Variants in FGGY observed in about 807,000 individuals in gnomAD.
FGGY encodes FGGY carbohydrate kinase domain containing, also known as FGGY carbohydrate kinase domain-containing protein.
FGGY carries 72 observed loss-of-function variants against 71.3 expected under a neutral mutation model. That is an observed-to-expected ratio of 1.01 (90% CI 0.84 to 1.23). FGGY has a LOEUF of 1.23. FGGY is among the 50% of genes most tolerant of loss of function. The pLI, the probability that FGGY is intolerant of heterozygous loss-of-function variation, is 0.00. For synonymous variants in FGGY, 251 were observed against 250.3 expected (o/e 1.00, Z -0.02); for missense variants, 668 against 682.3 (o/e 0.98, Z 0.23).
intron 11 of FGGY, among the ~76,000 whole-genome samples, chr1:59,657,554 C>T (rs918421739): frequency 2.0e-5 from 3 of 152,084 alleles, no homozygotes; most frequent in Non-Finnish European, 4.4e-5. Flanking sequence ...AAGTGTTCAG[C>T]TCAGGGATGT....
At chr1:59,689,800 G>A (rs895430628) in intron 14 of FGGY, among the ~76,000 whole-genome samples, 3 of 152,132 alleles carry the variant, frequency 2.0e-5, no homozygotes, top group Non-Finnish European at 4.4e-5. Flanking sequence ...TTTCAGGATG[G>A]AGAAAGCACC....
chr1:59,462,419 C>T (rs1252004493), intron 6 of FGGY, among the ~76,000 whole-genome samples: 2 of 152,096 alleles, frequency 1.3e-5, no homozygotes, highest in Non-Finnish European at 2.9e-5. Flanking sequence ...ATGTCTAAAA[C>T]ACCAAAAGCA....
chr1:59,355,378 T>C (rs2054114360), intron 4 of FGGY, among the ~76,000 whole-genome samples: 1 of 152,220 alleles, frequency 6.6e-6, no homozygotes, highest in Admixed American at 6.5e-5. Flanking sequence ...AAAAAAAGAC[T>C]GGCCATATAC....
At chr1:59,375,879 GTTTTTT>G (rs770578651) in intron 4 of FGGY, among the ~76,000 whole-genome samples, 4 of 99,370 alleles carry the variant, frequency 4.0e-5, no homozygotes, top group Non-Finnish European at 6.0e-5. Context: ...ATCTAAAGTA[GTTTTTT>G]TTTTTTTTTT....
intron 6 of FGGY, among the ~76,000 whole-genome samples, chr1:59,498,686 G>C (rs925420392): frequency 2.6e-5 from 4 of 152,144 alleles, no homozygotes; most frequent in African/African-American, 9.7e-5. Flanking sequence ...CCTAGCACTT[G>C]AGCATTTTTC....
intron 5 of FGGY, among the ~76,000 whole-genome samples, chr1:59,379,981 T>C (rs2059193181): frequency 6.6e-6 from 1 of 152,076 alleles, no homozygotes. Flanking sequence ...GTGTGTGATG[T>C]TCCCCTTCCT....
Position 59,607,943 on chromosome 1 carries a change from T to C in FGGY, c.1011+33T>C, listed in dbSNP as rs1572024773. 10 of 1,539,438 alleles carry C rather than the reference T, an allele frequency of 6.5e-6. No individual in the cohort carries two copies. The East Asian group carries it at 2.2e-4, about 35-fold the overall frequency. On this transcript the variant is annotated intron_variant, in intron 9 of 15. Coordinates refer to ENST00000303721, the MANE Select transcript of FGGY (RefSeq NM_018291.5). ...GACACTTTCTCAATAGGGTCATGGA[T>C]GTTTTTATGTCATTGATTAGTCCAT...
chr1:59,615,165 G>A (rs2096737457), intron 9 of FGGY, among the ~76,000 whole-genome samples: 1 of 152,046 alleles, frequency 6.6e-6, no homozygotes, highest in East Asian at 1.9e-4. Flanking sequence ...AGTTCATATG[G>A]AATCAAAAAA....
At chr1:59,690,099 A>G (rs12125528) in intron 14 of FGGY, among the ~76,000 whole-genome samples, 27,987 of 152,154 alleles carry the variant, frequency 0.18, 2,918 homozygotes, top group Admixed American at 0.3. Flanking sequence ...CTGGAGGAGA[A>G]ATTTATAGAA....
chr1:59,374,262 T>C (rs1454961910), intron 4 of FGGY, among the ~76,000 whole-genome samples: 2 of 152,282 alleles, frequency 1.3e-5, no homozygotes, highest in East Asian at 3.9e-4. Context: ...CAGACACTTC[T>C]CAAAAGAAGA....
At chr1:59,552,365 T>C (rs1319396782) in intron 7 of FGGY, among the ~76,000 whole-genome samples, 1 of 152,212 alleles carries the variant, frequency 6.6e-6, no homozygotes, top group African/African-American at 2.4e-5. Context: ...GTTGTGGATA[T>C]GTAACTACTG....
chr1:59,701,918 G>A (rs1416288897), intron 14 of FGGY, among the ~76,000 whole-genome samples: 2 of 152,170 alleles, frequency 1.3e-5, no homozygotes, highest in East Asian at 3.8e-4. Context: ...CTCATGAAAT[G>A]GAGATTGTAT....
chr1:59,453,078 T>G (rs2091349545), intron 5 of FGGY, among the ~76,000 whole-genome samples: 1 of 152,230 alleles, frequency 6.6e-6, no homozygotes, highest in African/African-American at 2.4e-5. Context: ...CTATGTTTTC[T>G]TTCCCTCCTG....
intron 6 of FGGY, among the ~76,000 whole-genome samples, chr1:59,463,722 C>T (rs2092421400): frequency 6.6e-6 from 1 of 150,516 alleles, no homozygotes; most frequent in South Asian, 2.1e-4. Context: ...ATCCTTGTCT[C>T]TGATAAAACA....
At chr1:59,626,137 C>A (rs1366356239) in intron 10 of FGGY, 88 bp downstream of exon 10, 2 of 1,059,222 alleles carry the variant, frequency 1.9e-6, no homozygotes, top group Non-Finnish European at 2.9e-6. Flanking sequence ...ATTTTCAGAT[C>A]CTACAGACAA....
intron 9 of FGGY, among the ~76,000 whole-genome samples, chr1:59,618,769 A>G (rs2096781359): frequency 6.6e-6 from 1 of 152,068 alleles, no homozygotes; most frequent in African/African-American, 2.4e-5. Flanking sequence ...GAGAATATGA[A>G]TGAGAATATA....
chr1:59,600,271 G>A (rs2096564249), intron 8 of FGGY, among the ~76,000 whole-genome samples: 1 of 152,196 alleles, frequency 6.6e-6, no homozygotes, highest in Admixed American at 6.5e-5. Context: ...GAATGATCAG[G>A]AAGTCAAGAA....
At chr1:59,653,326 G>A (rs1572697405) in intron 11 of FGGY, among the ~76,000 whole-genome samples, 1 of 152,216 alleles carries the variant, frequency 6.6e-6, no homozygotes, top group Non-Finnish European at 1.5e-5. Context: ...GCAAGCCTGG[G>A]CAATGGCGGG....
intron 8 of FGGY, among the ~76,000 whole-genome samples, chr1:59,571,942 G>A (rs1268008714): frequency 1.3e-5 from 2 of 152,180 alleles, no homozygotes; most frequent in Non-Finnish European, 2.9e-5. Flanking sequence ...GCTTAGAAAA[G>A]ACAAGCAAGG....
Sources: gnomAD v4.1 joint callset for allele counts (sites outside exome capture counted in the v4.1 genomes callset) on GRCh38, gnomAD v4.1.1 for gene constraint, MANE v1.5 for transcripts, NCBI Gene and HGNC (gene_info 2026-07-23, HGNC 2026-07-21) for gene names.